The following PLXDC2 variants were observed in gnomAD, a reference collection of about 807,000 sequenced individuals.
PLXDC2 encodes the protein plexin domain containing 2.
A neutral mutation model predicts 68.9 loss-of-function variants in PLXDC2; 40 were observed. The ratio of observed to expected loss-of-function variants is 0.58; its 90% CI spans 0.45 to 0.76. The LOEUF is 0.76. PLXDC2 is among the 30% of genes least tolerant of loss of function. The pLI, the probability that PLXDC2 is intolerant of heterozygous loss-of-function variation, is 0.00. For synonymous variants in PLXDC2, 243 were observed against 234.2 expected (o/e 1.04, Z -0.34); for missense variants, 644 against 661.9 (o/e 0.97, Z 0.30).
chr10:20,017,616 A>T (rs1835235496), intron 2 of PLXDC2, among the ~76,000 whole-genome samples: 1 of 152,238 alleles, frequency 6.6e-6, no homozygotes, highest in South Asian at 2.1e-4. Context: ...AACAGAATTC[A>T]TCCGAACAAA....
At chr10:19,841,202 T>A (rs964934754) in intron 1 of PLXDC2, among the ~76,000 whole-genome samples, 41 of 152,298 alleles carry the variant, frequency 2.7e-4, no homozygotes, top group Admixed American at 2.4e-3. Context: ...GCTTGTTTCT[T>A]AGATTTGTTT....
At chr10:19,898,757 C>T (rs375368549) in intron 1 of PLXDC2, among the ~76,000 whole-genome samples, 67 of 152,090 alleles carry the variant, frequency 4.4e-4, no homozygotes, top group Middle Eastern at 3.4e-3. Flanking sequence ...TGCCCATAGA[C>T]GTGTTTGACC....
intron 4 of PLXDC2, among the ~76,000 whole-genome samples, chr10:20,130,360 G>A (rs1345019108): frequency 6.6e-6 from 1 of 152,018 alleles, no homozygotes; most frequent in Non-Finnish European, 1.5e-5. Flanking sequence ...TGTGTATCTT[G>A]TACTTTCACT....
chr10:20,217,624 T>C lies in PLXDC2; in HGVS notation c.1273+48T>C, dbSNP rs867670169. 2.8e-3 allele frequency: 3,435 copies of C among 1,207,416 alleles called. 8 individuals are homozygous for C. The highest frequency in any genetic ancestry group is 4.6e-3 in the Admixed American group (170 of 37,246). The allele number at this position is 1,207,416 out of a possible 1,614,324, so 74.8% of individuals were successfully genotyped here. A position where few individuals can be genotyped will look rare whatever the true frequency, so the allele number is the denominator to read the frequency against. On this transcript the variant is annotated intron_variant, in intron 11 of 13. Coordinates refer to ENST00000377252, the MANE Select transcript of PLXDC2 (RefSeq NM_032812.9). Reference sequence around the variant, plus strand: ...TTTTTTTTTTTTTTTTTTTTTTTTTTCCCTGAAGGAAGGAAAAATCACTGT... The same window carrying C: ...TTTTTTTTTTTTTTTTTTTTTTTTTCCCCTGAAGGAAGGAAAAATCACTGT...
chr10:20,280,016 C>A lies in PLXDC2; in HGVS notation c.*197C>A, dbSNP rs2119398999. Reference sequence around the variant, plus strand: ...AAAAAACTAAAACTTATACAAGATACCATTTACACTGAACATAGAATTCCC... The same window carrying A: ...AAAAAACTAAAACTTATACAAGATAACATTTACACTGAACATAGAATTCCC... On this transcript the variant is annotated 3_prime_UTR_variant, in exon 14 of 14. Coordinates refer to ENST00000377252, the MANE Select transcript of PLXDC2 (RefSeq NM_032812.9). 1 of 543,020 alleles carries A rather than the reference C, an allele frequency of 1.8e-6. No homozygotes were observed. The highest frequency in any genetic ancestry group is 2.6e-5 in the South Asian group (1 of 37,862). 33.6% of individuals were successfully genotyped at this position (543,020 alleles called of 1,614,324 possible). A position where few individuals can be genotyped will look rare whatever the true frequency, so the allele number is the denominator to read the frequency against.
chr10:20,244,654 A>G (rs750170691), intron 12 of PLXDC2, among the ~76,000 whole-genome samples: 1 of 152,248 alleles, frequency 6.6e-6, no homozygotes, highest in Non-Finnish European at 1.5e-5. Flanking sequence ...TAAAATTTCC[A>G]AAAGAAAATG....
chr10:19,981,199 GCTCT>G, intron 1 of PLXDC2, among the ~76,000 whole-genome samples: 1 of 152,114 alleles, frequency 6.6e-6, no homozygotes, highest in Non-Finnish European at 1.5e-5. Flanking sequence ...TTCAATAGTT[GCTCT>G]CTGTTTCTGT....
chr10:20,194,190 C>CTGTGTG (rs58142621), intron 9 of PLXDC2, among the ~76,000 whole-genome samples: 7,104 of 143,634 alleles, frequency 0.049, 198 homozygotes, highest in Middle Eastern at 0.089. Flanking sequence ...TTGAACTCAG[C>CTGTGTG]TGTGTGTGTG....
At chr10:19,936,555 A>T (rs1304655207) in intron 1 of PLXDC2, among the ~76,000 whole-genome samples, 4 of 152,180 alleles carry the variant, frequency 2.6e-5, no homozygotes, top group Non-Finnish European at 5.9e-5. Flanking sequence ...GCTTTATATA[A>T]TGCCTGACAA....
At chr10:20,061,378 T>G (rs888946949) in intron 3 of PLXDC2, among the ~76,000 whole-genome samples, 1 of 152,196 alleles carries the variant, frequency 6.6e-6, no homozygotes, top group Non-Finnish European at 1.5e-5. Context: ...CTACTCTTGC[T>G]TTATGATTAA....
chr10:20,097,553 T>C (rs1213750740), intron 4 of PLXDC2, among the ~76,000 whole-genome samples: 1 of 152,218 alleles, frequency 6.6e-6, no homozygotes, highest in East Asian at 1.9e-4. Context: ...CATGAATTGT[T>C]TTGATTTTAC....
chr10:19,820,783 G>A (rs1470047363), intron 1 of PLXDC2, among the ~76,000 whole-genome samples: 2 of 151,486 alleles, frequency 1.3e-5, no homozygotes, highest in Non-Finnish European at 2.9e-5. Flanking sequence ...GGGATCTAAA[G>A]TCTTCAGCTG....
chr10:20,230,109 C>A (rs1045818918), intron 12 of PLXDC2, among the ~76,000 whole-genome samples: 4 of 152,086 alleles, frequency 2.6e-5, no homozygotes, highest in African/African-American at 9.7e-5. Context: ...GTAACTATTT[C>A]AAATGTAAAT....
At chr10:20,007,134 C>T (rs1234275955) in intron 2 of PLXDC2, among the ~76,000 whole-genome samples, 1 of 152,162 alleles carries the variant, frequency 6.6e-6, no homozygotes, top group Non-Finnish European at 1.5e-5. Flanking sequence ...GTTGGAGCAG[C>T]CTTCACTGAA....
At chr10:20,266,051 A>T (rs749997871) in intron 13 of PLXDC2, among the ~76,000 whole-genome samples, 1 of 152,212 alleles carries the variant, frequency 6.6e-6, no homozygotes, top group Admixed American at 6.5e-5. Flanking sequence ...CTTCTACTTT[A>T]TTATACCATT....
rs1417671984 is a variant in PLXDC2, at chr10:19,986,564, G to C, written c.113-15211G>C. On this transcript the variant is annotated intron_variant, in intron 1 of 13. Coordinates refer to ENST00000377252, the MANE Select transcript of PLXDC2 (RefSeq NM_032812.9). Reference sequence around the variant, plus strand: ...AAAAAAAAACAAAGAAAAAGAAAAAGACATACAAAAAGAAATGATCCCAGG... The same window carrying C: ...AAAAAAAAACAAAGAAAAAGAAAAACACATACAAAAAGAAATGATCCCAGG... 4.4e-5 allele frequency among the ~76,000 whole-genome samples: 6 copies of C among 137,458 alleles called. No homozygotes were observed. In the South Asian group the frequency reaches 6.6e-4, roughly 15 times the overall value. 90.2% of individuals were successfully genotyped at this position (137,458 alleles called of 152,430 possible).
intron 4 of PLXDC2, among the ~76,000 whole-genome samples, chr10:20,072,424 G>GAGAA (rs60778723): frequency 0.21 from 26,733 of 130,178 alleles, 3,827 homozygotes; most frequent in African/African-American, 0.37. Flanking sequence ...GAAAGAAAGA[G>GAGAA]AGAAAGAAAG....
At chr10:19,872,717 G>T (rs553596830) in intron 1 of PLXDC2, among the ~76,000 whole-genome samples, 8 of 152,172 alleles carry the variant, frequency 5.3e-5, no homozygotes, top group African/African-American at 1.9e-4. Context: ...CAGGGTGGGG[G>T]TGATTGGGCT....
intron 6 of PLXDC2, among the ~76,000 whole-genome samples, chr10:20,149,473 A>C (rs574047866): frequency 9.9e-5 from 15 of 152,040 alleles, no homozygotes; most frequent in Admixed American, 5.9e-4. Context: ...GCCCTACCTC[A>C]GGTGATCCTC....
Sources: allele counts gnomAD v4.1 joint callset (sites outside exome capture counted in the v4.1 genomes callset), GRCh38; gene constraint gnomAD v4.1.1; transcripts MANE v1.5; gene names NCBI Gene and HGNC (gene_info 2026-07-23, HGNC 2026-07-21).